IGFL2: variants seen among roughly 807,000 people sequenced by gnomAD.
The protein encoded by IGFL2 is insulin growth factor-like family member 2.
Under a neutral mutation model 13.9 loss-of-function variants are expected in IGFL2, and 7 were observed. That is an observed-to-expected ratio of 0.51 (90% CI 0.29 to 0.95). IGFL2 has a LOEUF of 0.95. Ranked by LOEUF, IGFL2 falls within the 40% of genes least tolerant of loss-of-function variation. The pLI is 0.08. For missense variants in IGFL2, 138 were observed against 147.8 expected, an observed-to-expected ratio of 0.93 and a Z score of 0.34; for synonymous variants, 55 against 55.8, an observed-to-expected ratio of 0.99 and a Z score of 0.07.
chr19:46,208,597 T>A, the IGFL2 span: 8 of 152,156 alleles, frequency 5.3e-5, no homozygotes, highest in Non-Finnish European at 1.0e-4. Context: ...CACATTGTAA[T>A]CCCCATGTGT....
the IGFL2 span, among the ~76,000 whole-genome samples, chr19:46,189,437 C>T: frequency 1.3e-5 from 2 of 152,172 alleles, no homozygotes; most frequent in Non-Finnish European, 2.9e-5. Flanking sequence ...TGACGGATGT[C>T]AGGCCCTCCA....
At chr19:46,101,608 A>G in the IGFL2 span, among the ~76,000 whole-genome samples, 4 of 152,234 alleles carry the variant, frequency 2.6e-5, no homozygotes, top group Admixed American at 1.3e-4. Flanking sequence ...AGCTGTAGTG[A>G]TGGCTGTTGC....
At chr19:46,106,164 G>A in the IGFL2 span, among the ~76,000 whole-genome samples, 4 of 152,172 alleles carry the variant, frequency 2.6e-5, no homozygotes, top group South Asian at 2.1e-4. Flanking sequence ...GGGAGAGCAC[G>A]TGTGTTTTTA....
At chr19:46,193,515 G>T in the IGFL2 span, among the ~76,000 whole-genome samples, 40 of 152,222 alleles carry the variant, frequency 2.6e-4, no homozygotes, top group South Asian at 3.3e-3. Context: ...ATTCAGATAT[G>T]CCAAACAGAA....
chr19:46,208,359 G>A, the IGFL2 span: 1 of 152,170 alleles, frequency 6.6e-6, no homozygotes, highest in African/African-American at 2.4e-5. Flanking sequence ...AGTGAGCTCT[G>A]GGTTTTAGAT....
chr19:46,185,770 C>T, the IGFL2 span, among the ~76,000 whole-genome samples: 1 of 152,260 alleles, frequency 6.6e-6, no homozygotes, highest in East Asian at 1.9e-4. Context: ...GTTGTTATAA[C>T]CTTGACTAAA....
chr19:46,127,657 A>G, the IGFL2 span, among the ~76,000 whole-genome samples: 86 of 151,690 alleles, frequency 5.7e-4, no homozygotes, highest in South Asian at 1.0e-3. Flanking sequence ...AGGTAGGTAG[A>G]TAGATAGATG....
At chr19:46,153,032 G>A (rs1338646404) in intron 1 of IGFL2, among the ~76,000 whole-genome samples, 1 of 152,162 alleles carries the variant, frequency 6.6e-6, no homozygotes, top group Admixed American at 6.5e-5. Context: ...CTTGGTCATG[G>A]CGTATCGTTC....
At chr19:46,096,129 A>G in the IGFL2 span, among the ~76,000 whole-genome samples, 1 of 152,104 alleles carries the variant, frequency 6.6e-6, no homozygotes, top group Non-Finnish European at 1.5e-5. Context: ...CATTTTCATG[A>G]TACTGATTCT....
At chr19:46,173,732 CA>C in the IGFL2 span, 2 of 152,216 alleles carry the variant, frequency 1.3e-5, no homozygotes, top group Admixed American at 6.5e-5. Context: ...CATTGGGGAT[CA>C]CACTTTAACA....
At chr19:46,079,563 C>G in the IGFL2 span, among the ~76,000 whole-genome samples, 1 of 152,170 alleles carries the variant, frequency 6.6e-6, no homozygotes, top group East Asian at 1.9e-4. Context: ...CCCCAGCCAG[C>G]CACCCGAGTT....
At chr19:46,170,585 A>G in the IGFL2 span, among the ~76,000 whole-genome samples, 3 of 152,160 alleles carry the variant, frequency 2.0e-5, no homozygotes, top group Non-Finnish European at 4.4e-5. Context: ...ACAGAGCCAT[A>G]TTTCTCTTAT....
intron 1 of IGFL2, 27 bp from the exon 2 acceptor site, chr19:46,160,388 C>T: frequency 1.2e-6 from 2 of 1,605,478 alleles, no homozygotes. Context: ...CCAGCCCCAT[C>T]CTTAACCTCC....
At chr19:46,199,148 G>A in the IGFL2 span, among the ~76,000 whole-genome samples, 1,346 of 152,358 alleles carry the variant, frequency 8.8e-3, 7 homozygotes, top group Non-Finnish European at 0.014. Context: ...TTGGAGGCCT[G>A]TGGACTGGAG....
At chr19:46,136,564 C>T in the IGFL2 span, among the ~76,000 whole-genome samples, 1 of 152,126 alleles carries the variant, frequency 6.6e-6, no homozygotes, top group Admixed American at 6.5e-5. Context: ...TCTGCAGTAG[C>T]TTTGAGTTTA....
At chr19:46,165,269 C>T (rs529096366), downstream of IGFL2, among the ~76,000 whole-genome samples, 204 of 152,364 alleles carry the variant, frequency 1.3e-3, 1 homozygote, top group Non-Finnish European at 2.2e-3. Context: ...AGATATGTGC[C>T]TGTAGTATTC....
At chr19:46,172,519 G>A in the IGFL2 span, among the ~76,000 whole-genome samples, 8 of 152,028 alleles carry the variant, frequency 5.3e-5, no homozygotes, top group Non-Finnish European at 8.8e-5. Context: ...GTTCTGTTAC[G>A]TTCCCCAGGC....
chr19:46,163,108 A>G (rs1974238869), downstream of IGFL2, among the ~76,000 whole-genome samples: 1 of 152,198 alleles, frequency 6.6e-6, no homozygotes, highest in Admixed American at 6.5e-5. Context: ...GTGATCCAGC[A>G]GGTGGCACTT....
the IGFL2 span, among the ~76,000 whole-genome samples, chr19:46,099,149 C>T: frequency 3.3e-5 from 5 of 152,144 alleles, no homozygotes; most frequent in Non-Finnish European, 7.3e-5. Flanking sequence ...GAATATTGGC[C>T]TCCACTCTCT....
Sources: gnomAD v4.1 joint callset for allele counts (sites outside exome capture counted in the v4.1 genomes callset) on GRCh38, gnomAD v4.1.1 for gene constraint, MANE v1.5 for transcripts, NCBI Gene and HGNC (gene_info 2026-07-23, HGNC 2026-07-21) for gene names.